ZNF565: variants seen among roughly 807,000 people sequenced by gnomAD.
ZNF565 encodes the protein zinc finger protein 565.
Under a neutral mutation model 39.4 loss-of-function variants are expected in ZNF565, and 27 were observed. The ratio of observed to expected loss-of-function variants is 0.69; its 90% CI spans 0.51 to 0.95. ZNF565 has a LOEUF of 0.95. ZNF565 is among the 40% of genes least tolerant of loss of function. ZNF565 has a pLI of 0.00. For synonymous variants in ZNF565, 185 were observed against 216.6 expected (o/e 0.85, Z 1.28); for missense variants, 524 against 621.1 (o/e 0.84, Z 1.66).
intron 1 of ZNF565, chr19:36,235,557 A>G (rs1306654591): frequency 1.3e-5 from 2 of 152,200 alleles, no homozygotes; most frequent in Admixed American, 1.3e-4. Context: ...AAGTGATAGT[A>G]ATATAAAGGT....
intron 1 of ZNF565, among the ~76,000 whole-genome samples, chr19:36,225,699 A>G (rs925023265): frequency 6.7e-6 from 1 of 149,620 alleles, no homozygotes; most frequent in Admixed American, 6.7e-5. Context: ...CAGTGTCTCA[A>G]AGTGCTGGGA....
chr19:36,230,449 ATAAAG>A lies in ZNF565; in HGVS notation c.55+15022_55+15026del, dbSNP rs368696740. ...ATAGTGATAAGTGCTATGGAAAAGAATAAAGTAAGGGAAAACCGGTATAGAGAGGG... is the reference window on the plus strand; with the variant it reads ...ATAGTGATAAGTGCTATGGAAAAGAATAAGGGAAAACCGGTATAGAGAGGG... On this transcript the variant is annotated intron_variant, in intron 1 of 4. Coordinates refer to the ZNF565 transcript ENST00000355114. Among the ~76,000 whole-genome samples the A allele has an allele frequency of 9.0e-4, 137 of 152,348 alleles. No individual in the cohort carries two copies. In the East Asian group the frequency reaches 0.018, roughly 20 times the overall value.
chr19:36,215,831 A>T (rs1976580069), upstream of ZNF565, among the ~76,000 whole-genome samples: 1 of 152,168 alleles, frequency 6.6e-6, no homozygotes, highest in Non-Finnish European at 1.5e-5. Flanking sequence ...GGCGCCCAGG[A>T]TGAGGGAGTC....
intron 2 of ZNF565, among the ~76,000 whole-genome samples, chr19:36,195,412 C>A (rs556241833): frequency 6.6e-6 from 1 of 151,450 alleles, no homozygotes; most frequent in South Asian, 2.1e-4. Flanking sequence ...TAGTATCCAA[C>A]AGATTATCAA....
chr19:36,236,380 C>T, intron 1 of ZNF565: 1 of 1,529,772 alleles, frequency 6.5e-7, no homozygotes, highest in Non-Finnish European at 8.8e-7. Context: ...AGTAAATCCT[C>T]ACTCATCAAG....
chr19:36,213,253 T>G (rs1398255343), intron 1 of ZNF565: 1 of 152,390 alleles, frequency 6.6e-6, no homozygotes, highest in African/African-American at 2.4e-5. Flanking sequence ...CTCTGTCACC[T>G]AGACTGGAAT....
chr19:36,237,042 TACATGTGAGGA>T (rs1977668800), intron 1 of ZNF565: 1 of 1,614,060 alleles, frequency 6.2e-7, no homozygotes, highest in Non-Finnish European at 8.5e-7. Flanking sequence ...TCACTTATTG[TACATGTGAGGA>T]TTCATTCAGG....
At chr19:36,225,481 A>C (rs532279645) in intron 1 of ZNF565, among the ~76,000 whole-genome samples, 1 of 150,156 alleles carries the variant, frequency 6.7e-6, no homozygotes, top group Non-Finnish European at 1.5e-5. Flanking sequence ...GTTATGTTTC[A>C]GTTTTCATCT....
rs538524003 is a variant in ZNF565 at position 36,193,891 on chromosome 19, C to T, written c.232+342G>A. On this transcript the variant is annotated intron_variant, in intron 4 of 4. Transcript: ENST00000304116. ...TGGAGGCTGCAGTGAGCTATGATCA[C>T]GCCACTGCACTCCAGCATGGGTGAC... 5.3e-5 allele frequency among the ~76,000 whole-genome samples: 8 copies of T among 152,116 alleles called. No individual in the cohort carries two copies. The South Asian group carries it at 1.5e-3, about 28-fold the overall frequency.
Position 36,245,479 on chromosome 19 carries a change from C to A in ZNF565, c.52G>T (p.Ala18Ser), listed in dbSNP as rs1424377414. The A allele has an allele frequency of 7.1e-6, 5 of 702,168 alleles. No homozygotes were observed. Among genetic ancestry groups the A allele is most frequent in the Non-Finnish European group, 1.3e-5 (5 of 384,822 alleles). The allele number at this position is 702,168 out of a possible 1,614,324, so 43.5% of individuals were successfully genotyped here. A position where few individuals can be genotyped will look rare whatever the true frequency, so the allele number is the denominator to read the frequency against. ...CACCGCGCATCTAGGAGGTTACCTG[C>A]GTCCAGGCGGTGACTTGCGAGGGAC... is the stretch of plus-strand genomic sequence containing the variant. Residue 18 changes from alanine to serine, a missense_variant, in exon 1 of 5, where the codon GCA becomes TCA. Transcript: ENST00000355114. This position sits in a 1 kb window ranked among gnomAD's most constrained non-coding sequence, Gnocchi z 4.4.
intron 1 of ZNF565, among the ~76,000 whole-genome samples, chr19:36,241,224 G>A (rs966000756): frequency 1.3e-5 from 2 of 152,224 alleles, no homozygotes; most frequent in African/African-American, 4.8e-5. Context: ...AGTGGCTCAC[G>A]CCTGTAATCC....
intron 1 of ZNF565, chr19:36,236,095 T>TCATG (rs1977635810): frequency 4.7e-6 from 1 of 212,536 alleles, no homozygotes; most frequent in African/African-American, 2.3e-5. Context: ...AACGTGCAAG[T>TCATG]CATGCTGAAG....
intron 1 of ZNF565, among the ~76,000 whole-genome samples, chr19:36,244,653 C>T (rs1325350902): frequency 6.6e-6 from 1 of 152,004 alleles, no homozygotes; most frequent in Non-Finnish European, 1.5e-5. Flanking sequence ...GAGATCGAGA[C>T]CATCCTGGCA....
chr19:36,193,787 A>G (rs1975661060), intron 4 of ZNF565, among the ~76,000 whole-genome samples: 1 of 152,038 alleles, frequency 6.6e-6, no homozygotes. Context: ...AGAAAAAAGG[A>G]TCTGGCTAGG....
intron 1 of ZNF565, chr19:36,236,904 C>G (rs778884972): frequency 1.2e-6 from 2 of 1,614,090 alleles, no homozygotes; most frequent in Admixed American, 3.3e-5. Flanking sequence ...GGAGAGAAGC[C>G]TTTTAAATGT....
At chr19:36,240,121 C>T (rs141933192) in intron 1 of ZNF565, among the ~76,000 whole-genome samples, 1 of 152,310 alleles carries the variant, frequency 6.6e-6, no homozygotes, top group Non-Finnish European at 1.5e-5. Flanking sequence ...AGTTGGCCCT[C>T]TGTATCCATG....
chr19:36,210,701 T>C (rs1976323127), intron 1 of ZNF565, among the ~76,000 whole-genome samples: 1 of 151,490 alleles, frequency 6.6e-6, no homozygotes, highest in South Asian at 2.1e-4. Flanking sequence ...CTTGGCTCGC[T>C]GCAACCTCCG....
At chr19:36,243,613 G>A (rs1250102431) in intron 1 of ZNF565, among the ~76,000 whole-genome samples, 1 of 152,170 alleles carries the variant, frequency 6.6e-6, no homozygotes, top group African/African-American at 2.4e-5. Flanking sequence ...CTGTGTGATG[G>A]GTTCAGGGAG....
chr19:36,192,909 T>C (rs1975614013), intron 4 of ZNF565, among the ~76,000 whole-genome samples: 1 of 151,956 alleles, frequency 6.6e-6, no homozygotes. Context: ...CTCCACCTCA[T>C]GGGTTCAAGA....
Sources: gnomAD v4.1 joint callset for allele counts (sites outside exome capture counted in the v4.1 genomes callset) on GRCh38, gnomAD v4.1.1 for gene constraint, Gnocchi (gnomAD v3.1) non-coding constraint, MANE v1.5 for transcripts, NCBI Gene and HGNC (gene_info 2026-07-23, HGNC 2026-07-21) for gene names.